FSTL5: variants seen among roughly 807,000 people sequenced by gnomAD.
FSTL5 encodes the protein follistatin like 5.
In FSTL5, 62 loss-of-function variants were observed where a neutral mutation model predicts 89.1. That is an observed-to-expected ratio of 0.70 (90% CI 0.57 to 0.86). The LOEUF is 0.86. FSTL5 is among the 40% of genes least tolerant of loss of function. The probability of loss-of-function intolerance (pLI) is 0.00; values close to 1 mark genes in which losing one functional copy is unlikely to be tolerated. For synonymous variants in FSTL5, 383 were observed against 346.2 expected, an observed-to-expected ratio of 1.11 and a Z score of -1.18; for missense variants, 1,057 against 1,001.6, an observed-to-expected ratio of 1.06 and a Z score of -0.75.
intron 1 of FSTL5, among the ~76,000 whole-genome samples, chr4:162,127,741 G>A (rs1010883724): frequency 4.6e-5 from 7 of 151,686 alleles, no homozygotes; most frequent in African/African-American, 1.7e-4. Context: ...AAATCTGGAA[G>A]ACAGAAAAGA....
chr4:161,419,841 C>T (rs1054234926), intron 15 of FSTL5, among the ~76,000 whole-genome samples: 1 of 152,176 alleles, frequency 6.6e-6, no homozygotes, highest in Non-Finnish European at 1.5e-5. Flanking sequence ...ACTTTATGTT[C>T]TGCTGGCCTA....
At chr4:161,741,080 A>G (rs1740010701) in intron 6 of FSTL5, among the ~76,000 whole-genome samples, 1 of 152,206 alleles carries the variant, frequency 6.6e-6, no homozygotes, top group Non-Finnish European at 1.5e-5. Context: ...CATCACACTG[A>G]TAATCAAGTT....
intron 3 of FSTL5, among the ~76,000 whole-genome samples, chr4:161,944,688 A>G (rs943760003): frequency 4.0e-5 from 6 of 151,840 alleles, no homozygotes; most frequent in African/African-American, 1.4e-4. Context: ...CATGTATCAT[A>G]CATACATTTA....
At chr4:161,722,378 A>T (rs557198113) in intron 6 of FSTL5, among the ~76,000 whole-genome samples, 1 of 152,154 alleles carries the variant, frequency 6.6e-6, no homozygotes, top group Non-Finnish European at 1.5e-5. Flanking sequence ...AGGTCATCTA[A>T]GTCTTTTCAG....
At chr4:161,633,794 G>GCAA (rs1735586237) in intron 7 of FSTL5, among the ~76,000 whole-genome samples, 1 of 152,068 alleles carries the variant, frequency 6.6e-6, no homozygotes, top group Non-Finnish European at 1.5e-5. Flanking sequence ...AATATAAAAT[G>GCAA]AGCATGAGAC....
intron 7 of FSTL5, 122 bp downstream of exon 7, chr4:161,656,206 A>C: frequency 2.1e-6 from 1 of 486,136 alleles, no homozygotes; most frequent in Non-Finnish European, 3.5e-6. Flanking sequence ...AGATATAGCA[A>C]TGTCCCAATA....
chr4:161,636,311 G>A (rs1239558855), intron 7 of FSTL5, among the ~76,000 whole-genome samples: 1 of 151,940 alleles, frequency 6.6e-6, no homozygotes, highest in East Asian at 1.9e-4. Flanking sequence ...TGTACCCAAA[G>A]GAGCAAGATA....
At chr4:162,073,777 G>A (rs1227487882) in intron 2 of FSTL5, among the ~76,000 whole-genome samples, 7 of 151,686 alleles carry the variant, frequency 4.6e-5, no homozygotes, top group Non-Finnish European at 1.0e-4. Flanking sequence ...TATTCTTACA[G>A]TACTCTTCCT....
At position 161,640,064 on chromosome 4, in the gene FSTL5, A is replaced by G. The variant is rs187145834; in HGVS notation, c.894+16264T>C. Among the ~76,000 whole-genome samples, 194 of 152,324 alleles carry G rather than the reference A, an allele frequency of 1.3e-3. 2 individuals carry two copies. The highest frequency in any genetic ancestry group is 5.4e-3 in the East Asian group (28 of 5,184). Reference sequence around the variant, plus strand: ...AACTAGAAAGTGTCTGGATGTGCCTAGGAGAATGCACAAGCTCAGAAAAAT... The same window carrying G: ...AACTAGAAAGTGTCTGGATGTGCCTGGGAGAATGCACAAGCTCAGAAAAAT... On this transcript the variant is annotated intron_variant, in intron 7 of 15. Transcript: ENST00000306100.
chr4:161,448,716 T>C (rs1028789381), intron 15 of FSTL5, among the ~76,000 whole-genome samples: 2 of 152,124 alleles, frequency 1.3e-5, no homozygotes, highest in African/African-American at 4.8e-5. Context: ...TATGCAGGGA[T>C]TACTGCTGAT....
chr4:162,040,701 C>T (rs1483560), intron 2 of FSTL5, among the ~76,000 whole-genome samples: 151,915 of 152,214 alleles, frequency 1, 75,808 homozygotes, highest in Middle Eastern at 1. Flanking sequence ...AATCTTATCA[C>T]CTTTTATTTA....
intron 4 of FSTL5, among the ~76,000 whole-genome samples, chr4:161,781,284 A>G (rs1392159821): frequency 6.6e-6 from 1 of 152,024 alleles, no homozygotes; most frequent in Non-Finnish European, 1.5e-5. Flanking sequence ...AACTATGTAT[A>G]TGAAGGAACC....
chr4:161,792,541 T>C (rs1729512832), intron 4 of FSTL5, among the ~76,000 whole-genome samples: 1 of 152,108 alleles, frequency 6.6e-6, no homozygotes, highest in African/African-American at 2.4e-5. Flanking sequence ...TGCCCATGGC[T>C]GCCAATGGAC....
intron 4 of FSTL5, among the ~76,000 whole-genome samples, chr4:161,871,365 G>A (rs1732256595): frequency 6.6e-6 from 1 of 151,958 alleles, no homozygotes; most frequent in Non-Finnish European, 1.5e-5. Flanking sequence ...TTTTGAGTCT[G>A]TTTTGTAGAT....
intron 13 of FSTL5, among the ~76,000 whole-genome samples, chr4:161,478,489 C>T (rs1025730871): frequency 6.6e-6 from 1 of 152,062 alleles, no homozygotes; most frequent in Non-Finnish European, 1.5e-5. Context: ...CATGCCTTAA[C>T]AAAACTTACT....
chr4:161,540,213 C>A (rs1731773236), intron 9 of FSTL5, among the ~76,000 whole-genome samples: 1 of 152,110 alleles, frequency 6.6e-6, no homozygotes, highest in South Asian at 2.1e-4. Context: ...GCACCTAGTT[C>A]TTTGAGTAAG....
chr4:161,773,543 T>C (rs926290060), intron 5 of FSTL5, among the ~76,000 whole-genome samples: 8 of 152,094 alleles, frequency 5.3e-5, no homozygotes, highest in African/African-American at 1.9e-4. Flanking sequence ...AGGACATTAA[T>C]AGACAATTCT....
chr4:161,452,331 C>A (rs1733194098), intron 15 of FSTL5, among the ~76,000 whole-genome samples: 2 of 152,044 alleles, frequency 1.3e-5, no homozygotes, highest in African/African-American at 4.8e-5. Flanking sequence ...CAAAAATTAG[C>A]TGGATATGGT....
chr4:161,597,410 G>A (rs1210952029), intron 7 of FSTL5, among the ~76,000 whole-genome samples: 87 of 145,068 alleles, frequency 6.0e-4, no homozygotes, highest in African/African-American at 2.0e-3. Context: ...GTTCTCACTC[G>A]TAGGTGGGAA....
Sources: gnomAD v4.1 joint callset for allele counts (sites outside exome capture counted in the v4.1 genomes callset) on GRCh38, gnomAD v4.1.1 for gene constraint, MANE v1.5 for transcripts, NCBI Gene and HGNC (gene_info 2026-07-23, HGNC 2026-07-21) for gene names.